RIMS4: variants seen among roughly 807,000 people sequenced by gnomAD.
The protein encoded by RIMS4 is regulating synaptic membrane exocytosis protein 4.
RIMS4 carries 9 observed loss-of-function variants against 29.0 expected under a neutral mutation model. That is an observed-to-expected ratio of 0.31 (90% CI 0.19 to 0.54). The LOEUF (loss-of-function observed/expected upper bound fraction) is 0.54. Among genes scored for constraint, RIMS4 ranks in the 20% least tolerant of loss-of-function variants. The pLI is 0.94. For missense variants in RIMS4, 193 were observed against 365.7 expected (o/e 0.53, Z 3.85); for synonymous variants, 130 against 152.9 (o/e 0.85, Z 1.10).
At chr20:44,807,510 G>C (rs548924250) in intron 1 of RIMS4, among the ~76,000 whole-genome samples, 1 of 152,302 alleles carries the variant, frequency 6.6e-6, no homozygotes, top group East Asian at 1.9e-4. Flanking sequence ...AGATGAGCCG[G>C]AGGCCTGTCA....
chr20:44,802,327 A>T (rs1555302), intron 1 of RIMS4, among the ~76,000 whole-genome samples: 4 of 152,044 alleles, frequency 2.6e-5, no homozygotes, highest in Admixed American at 6.5e-5. Context: ...AACCCTCTTG[A>T]GTATTTACTA....
intron 1 of RIMS4, among the ~76,000 whole-genome samples, chr20:44,796,092 C>A (rs2066253757): frequency 6.6e-6 from 1 of 151,530 alleles, no homozygotes; most frequent in Admixed American, 6.6e-5. Context: ...CACCCCCTCC[C>A]CTCCCCTGCC....
chr20:44,798,845 T>C (rs1224758781), intron 1 of RIMS4, among the ~76,000 whole-genome samples: 1 of 152,216 alleles, frequency 6.6e-6, no homozygotes, highest in Non-Finnish European at 1.5e-5. Flanking sequence ...CCTCTCCCTC[T>C]CTTGCAGGTT....
intron 1 of RIMS4, among the ~76,000 whole-genome samples, chr20:44,799,029 G>C (rs2066266614): frequency 6.6e-6 from 1 of 152,254 alleles, no homozygotes; most frequent in African/African-American, 2.4e-5. Context: ...TGAGCCGGGT[G>C]TGGTGGCTCA....
At chr20:44,787,095 A>C (rs2066211787) in intron 1 of RIMS4, among the ~76,000 whole-genome samples, 1 of 152,230 alleles carries the variant, frequency 6.6e-6, no homozygotes, top group South Asian at 2.1e-4. Flanking sequence ...GAGTGATCAG[A>C]GAAAGCATTC....
At position 44,752,031 on chromosome 20, in the gene RIMS4, CAT is replaced by C. The variant is rs2066035121; in HGVS notation, c.*4101_*4102del. On this transcript the variant is annotated 3_prime_UTR_variant, in exon 6 of 6. Coordinates refer to ENST00000372851, the MANE Select transcript of RIMS4 (RefSeq NM_182970.4). ...TCCCACCACCCGTCCAGGAAGCAGT[CAT>C]AAAGTGAAAGGGCTCCAGAGGTGAT... The C allele has an allele frequency of 1.3e-5, 2 of 152,276 alleles. No individual in the cohort carries two copies. The highest frequency in any genetic ancestry group is 2.4e-5 in the African/African-American group (1 of 41,442). The allele number at this position is 152,276 out of a possible 1,614,324, so 9.4% of individuals were successfully genotyped here.
At chr20:44,784,786 A>G (rs2066200714) in intron 1 of RIMS4, among the ~76,000 whole-genome samples, 1 of 152,178 alleles carries the variant, frequency 6.6e-6, no homozygotes, top group Non-Finnish European at 1.5e-5. Context: ...TGGCTAAGGC[A>G]CCTCCCTTGG....
At chr20:44,804,640 G>T (rs1205909009) in intron 1 of RIMS4, among the ~76,000 whole-genome samples, 1 of 152,168 alleles carries the variant, frequency 6.6e-6, no homozygotes, top group Non-Finnish European at 1.5e-5. Flanking sequence ...GCTCTCCTCC[G>T]CATCTCTCCC....
intron 1 of RIMS4, among the ~76,000 whole-genome samples, chr20:44,794,202 T>C (rs2066245204): frequency 6.6e-6 from 1 of 152,216 alleles, no homozygotes; most frequent in Admixed American, 6.5e-5. Context: ...GGTCTCCAAT[T>C]TTTACCAAAG....
intron 1 of RIMS4, among the ~76,000 whole-genome samples, chr20:44,790,905 A>G (rs1056396651): frequency 6.6e-6 from 1 of 152,216 alleles, no homozygotes; most frequent in African/African-American, 2.4e-5. Flanking sequence ...TTATTTATTT[A>G]TTTTCTATAA....
chr20:44,805,494 G>A (rs2066294761), intron 1 of RIMS4, among the ~76,000 whole-genome samples: 1 of 151,996 alleles, frequency 6.6e-6, no homozygotes, highest in Admixed American at 6.6e-5. Context: ...GAAGAAGTGA[G>A]AGAGGAAGTG....
rs2066037582 is a variant in RIMS4, at chr20:44,752,404, T to C, written c.*3730A>G. On this transcript the variant is annotated 3_prime_UTR_variant, in exon 6 of 6. Coordinates refer to ENST00000372851, the MANE Select transcript of RIMS4 (RefSeq NM_182970.4). ...CCCAGGAGCTCCTGGCTGAAGGGAA[T>C]TGGCTTGTGAAGTACATAACCACCC... 6.6e-6 allele frequency: 1 copy of C among 152,210 alleles called. No homozygotes were observed. The highest frequency in any genetic ancestry group is 6.5e-5 in the Admixed American group (1 of 15,282). The allele number at this position is 152,210 out of a possible 1,614,324, so 9.4% of individuals were successfully genotyped here.
Position 44,756,311 on chromosome 20 carries a change from C to T in RIMS4, c.633G>A (p.Gln211=). The change falls in exon 6 of 6, where the codon CAG becomes CAA. Residue 211 remains glutamine, a synonymous_variant. Transcript: ENST00000372851. This position sits in a 1 kb window ranked among gnomAD's most constrained non-coding sequence, Gnocchi z 5.9. ...WGNYGRMERK[Q]FMGVARVLLE... is the part of the protein sequence containing the mutation. ...GCAGCACGCGAGCCACACCCATGAA[C>T]TGCTTCCGCTCCATCCGCCCGTAGT... The T allele has an allele frequency of 6.2e-7, 1 of 1,614,100 alleles. No individual in the cohort carries two copies. The highest frequency in any genetic ancestry group is 8.5e-7 in the Non-Finnish European group (1 of 1,180,014).
At chr20:44,795,194 C>T (rs1449132464) in intron 1 of RIMS4, among the ~76,000 whole-genome samples, 1 of 152,234 alleles carries the variant, frequency 6.6e-6, no homozygotes, top group East Asian at 1.9e-4. Flanking sequence ...CACAGGTGTC[C>T]TCTCACCCCT....
intron 1 of RIMS4, among the ~76,000 whole-genome samples, chr20:44,786,385 C>G (rs2066208724): frequency 6.6e-6 from 1 of 152,224 alleles, no homozygotes; most frequent in African/African-American, 2.4e-5. Flanking sequence ...CATCCTTCCC[C>G]AGGCAGGGCC....
rs1295321414 is a variant in RIMS4 at position 44,754,013 on chromosome 20, C to G, written c.*2121G>C. On this transcript the variant is annotated 3_prime_UTR_variant, in exon 6 of 6. Transcript: ENST00000372851. Reference sequence around the variant, plus strand: ...CTGCCCTGTTTTTGAAAAGCTACCCCTGAACAACCACAGCGGTGATGGCTG... The same window carrying G: ...CTGCCCTGTTTTTGAAAAGCTACCCGTGAACAACCACAGCGGTGATGGCTG... The G allele has an allele frequency of 6.6e-6, 1 of 152,444 alleles. No individual in the cohort carries two copies. Among genetic ancestry groups the G allele is most frequent in the Non-Finnish European group, 1.5e-5 (1 of 68,074 alleles). The allele number at this position is 152,444 out of a possible 1,614,324, so 9.4% of individuals were successfully genotyped here. A position where few individuals can be genotyped will look rare whatever the true frequency, so the allele number is the denominator to read the frequency against.
chr20:44,775,550 A>T (rs1039137319), intron 1 of RIMS4, among the ~76,000 whole-genome samples: 1 of 152,230 alleles, frequency 6.6e-6, no homozygotes, highest in African/African-American at 2.4e-5. Flanking sequence ...GGGTCAGAAC[A>T]ACTCTGAGGC....
intron 1 of RIMS4, among the ~76,000 whole-genome samples, chr20:44,792,587 C>A (rs949615675): frequency 6.6e-6 from 1 of 152,138 alleles, no homozygotes; most frequent in Non-Finnish European, 1.5e-5. Context: ...CCACCGTGCC[C>A]GGCCTGAACT....
chr20:44,797,255 C>T (rs1209551891), intron 1 of RIMS4, among the ~76,000 whole-genome samples: 2 of 152,232 alleles, frequency 1.3e-5, no homozygotes, highest in Non-Finnish European at 2.9e-5. Context: ...TAGAACACAG[C>T]TCACCCTTTC....
Sources: gnomAD v4.1 joint callset for allele counts (sites outside exome capture counted in the v4.1 genomes callset) on GRCh38, gnomAD v4.1.1 for gene constraint, Gnocchi (gnomAD v3.1) non-coding constraint, MANE v1.5 for transcripts, NCBI Gene and HGNC (gene_info 2026-07-23, HGNC 2026-07-21) for gene names.